Variants in NLRP9 observed in about 807,000 individuals in gnomAD.
The protein encoded by NLRP9 is NLR family pyrin domain containing 9.
NLRP9 carries 88 observed loss-of-function variants against 83.1 expected under a neutral mutation model. The ratio of observed to expected loss-of-function variants is 1.06; its 90% CI spans 0.89 to 1.26. The LOEUF (loss-of-function observed/expected upper bound fraction) is 1.26. Ranked by LOEUF, NLRP9 falls within the 50% of genes most tolerant of loss-of-function variation. The pLI, the probability that NLRP9 is intolerant of heterozygous loss-of-function variation, is 0.00. For missense variants in NLRP9, 1,308 were observed against 1,179.3 expected (o/e 1.11, Z -1.60); for synonymous variants, 521 against 447.6 (o/e 1.16, Z -2.07).
chr19:55,733,401 T>C lies in NLRP9; in HGVS notation c.430A>G (p.Arg144Gly), dbSNP rs370274005. Residue 144 changes from arginine to glycine, a missense_variant, in exon 2 of 9, where the codon AGA (arginine) becomes GGA (glycine). Transcript: ENST00000332836. ...CCTTCCAGGACCACAGTGTGTCGTCTAGCCGCAGCAGTATATGCGTCATTC... is the reference window on the plus strand; with the variant it reads ...CCTTCCAGGACCACAGTGTGTCGTCCAGCCGCAGCAGTATATGCGTCATTC... ...ELNDAYTAAA[R>G]RHTVVLEGPD... 176 of 1,614,186 alleles carry C rather than the reference T, an allele frequency of 1.1e-4. 1 individual carries two copies. The Middle Eastern group carries it at 7.4e-3, about 68-fold the overall frequency.
chr19:55,729,028 T>A (rs1341593740), intron 3 of NLRP9, among the ~76,000 whole-genome samples: 1 of 149,536 alleles, frequency 6.7e-6, no homozygotes, highest in Non-Finnish European at 1.5e-5. Context: ...GCTACCATTA[T>A]GCTTATCTTA....
intron 2 of NLRP9, among the ~76,000 whole-genome samples, chr19:55,730,696 G>A (rs1378245583): frequency 1.3e-5 from 2 of 152,132 alleles, no homozygotes; most frequent in Admixed American, 1.3e-4. Flanking sequence ...TTGTAAGTAG[G>A]AGCTGAATGA....
chr19:55,730,819 T>C (rs1028401620), intron 2 of NLRP9, among the ~76,000 whole-genome samples: 1 of 151,922 alleles, frequency 6.6e-6, no homozygotes, highest in Admixed American at 6.6e-5. Context: ...TCGGGCTTGA[T>C]ACCTGGGTGA....
Position 55,715,046 on chromosome 19 carries a change from C to T in NLRP9, c.2501+9G>A, listed in dbSNP as rs538520428. The T allele has an allele frequency of 2.4e-5, 38 of 1,596,062 alleles. No individual in the cohort carries two copies. Among genetic ancestry groups the T allele is most frequent in the Admixed American group, 2.3e-4 (13 of 56,930 alleles). On this transcript the variant is annotated intron_variant, in intron 6 of 8. Coordinates refer to ENST00000332836, the MANE Select transcript of NLRP9 (RefSeq NM_176820.4). ...CCCTGACATTGAAGCAAATCATGGC[C>T]GGTCCTACCACAGCTCCCGTATGCT...
At chr19:55,734,582 T>C in intron 1 of NLRP9, among the ~76,000 whole-genome samples, 1 of 145,708 alleles carries the variant, frequency 6.9e-6, no homozygotes, top group Middle Eastern at 3.6e-3. Flanking sequence ...CATATACATA[T>C]ATACACATAT....
Position 55,711,784 on chromosome 19 carries a change from AAC to A in NLRP9, c.2843+14_2843+15del, listed in dbSNP as rs1325193096. The stretch of plus-strand genomic sequence containing the variant: ...TTCTGAAGTCACTCACCCCAAAGGA[AAC>A]AGTGTCCACTCACCCCAGCATCTGC... On this transcript the variant is annotated intron_variant, in intron 8 of 8. Coordinates refer to ENST00000332836, the MANE Select transcript of NLRP9 (RefSeq NM_176820.4). 13 of 1,611,202 alleles carry A rather than the reference AAC, an allele frequency of 8.1e-6. No individual in the cohort carries two copies. The highest frequency in any genetic ancestry group is 1.1e-5 in the Non-Finnish European group (13 of 1,178,388).
chr19:55,717,556 T>G (rs1422347676), intron 4 of NLRP9, among the ~76,000 whole-genome samples: 5 of 152,202 alleles, frequency 3.3e-5, no homozygotes, highest in Admixed American at 6.6e-5. Flanking sequence ...GGACAGACCC[T>G]GCCACAAAGA....
At chr19:55,733,772 C>T (rs1306760944) in intron 1 of NLRP9, among the ~76,000 whole-genome samples, 2 of 152,158 alleles carry the variant, frequency 1.3e-5, no homozygotes, top group African/African-American at 4.8e-5. Context: ...GGCTTGAAGT[C>T]TGATAAGAAA....
At chr19:55,709,923 C>T (rs1339883686) in intron 8 of NLRP9, 1 of 152,194 alleles carries the variant, frequency 6.6e-6, no homozygotes, top group African/African-American at 2.4e-5. Flanking sequence ...ATTCTCTTCT[C>T]CCCTCTCCCG....
Position 55,732,914 on chromosome 19 carries a change from T to TA in NLRP9, c.916dup (p.Tyr306LeufsTer8). On this transcript the variant is annotated frameshift_variant, in exon 2 of 9. Coordinates refer to ENST00000332836, the MANE Select transcript of NLRP9 (RefSeq NM_176820.4). LOFTEE classifies it high-confidence loss of function. ...CTTCTCACCAAAGAAGTAGGAGAAA[T>TA]ACGACTTCTTTTCAGATTCACTGAA... 6.2e-7 allele frequency: 1 copy of TA among 1,613,944 alleles called. No homozygotes were observed.
chr19:55,727,004 A>G (rs1368266785), intron 3 of NLRP9, among the ~76,000 whole-genome samples: 5 of 152,202 alleles, frequency 3.3e-5, no homozygotes, highest in South Asian at 4.1e-4. Flanking sequence ...TAAAATATCA[A>G]TGAGTTGGGA....
chr19:55,711,578 G>A, intron 8 of NLRP9: 1 of 965,698 alleles, frequency 1.0e-6, no homozygotes, highest in Non-Finnish European at 1.6e-6. Context: ...CACAACTGAG[G>A]GAAGTGCTAC....
intron 4 of NLRP9, among the ~76,000 whole-genome samples, chr19:55,719,691 A>C (rs755126302): frequency 3.4e-4 from 52 of 152,336 alleles, no homozygotes; most frequent in Non-Finnish European, 6.5e-4. Context: ...CTCCTGTCAG[A>C]CCAAGAGGAA....
At chr19:55,735,734 C>G (rs1361518260) in intron 1 of NLRP9, among the ~76,000 whole-genome samples, 1 of 152,052 alleles carries the variant, frequency 6.6e-6, no homozygotes, top group Non-Finnish European at 1.5e-5. Context: ...GTGGCCCAGG[C>G]TAAAGTGCAG....
In NLRP9 at chr19:55,716,398, A is replaced by G. The variant is rs562533249; in HGVS notation, c.2330+330T>C. Among the ~76,000 whole-genome samples, 6 of 151,746 alleles carry G rather than the reference A, an allele frequency of 4.0e-5. No homozygotes were observed. The East Asian group carries it at 1.2e-3, about 29-fold the overall frequency. On this transcript the variant is annotated intron_variant, in intron 5 of 8. Coordinates refer to ENST00000332836, the MANE Select transcript of NLRP9 (RefSeq NM_176820.4). ...CTCAGCCTCCCGAGTAGCTGGGAGT[A>G]TGGGCATGCGCCACCACACCCAGCT...
chr19:55,722,099 T>TC (rs35666487), intron 4 of NLRP9, among the ~76,000 whole-genome samples: 54,962 of 151,732 alleles, frequency 0.36, 10,753 homozygotes, highest in African/African-American at 0.5. Context: ...GGGACAAAAT[T>TC]CCCCCATTGA....
At chr19:55,715,020 AC>A (rs1423918334) in intron 6 of NLRP9, 34 bp downstream of exon 6, 1 of 1,570,510 alleles carries the variant, frequency 6.4e-7, no homozygotes, top group Non-Finnish European at 8.6e-7. Context: ...AAAAAAAGAA[AC>A]CCTGACATTG....
chr19:55,711,665 A>G lies in NLRP9; in HGVS notation c.2843+135T>C, dbSNP rs934587695. On this transcript the variant is annotated intron_variant, in intron 8 of 8. Coordinates refer to ENST00000332836, the MANE Select transcript of NLRP9 (RefSeq NM_176820.4). ...ATGGTTTTTATATTTTATAGTGTCA[A>G]CAGGGGCCCAAGGACAGGCCCCCAC... 3.3e-6 allele frequency: 3 copies of G among 916,498 alleles called. No homozygotes were observed. In the African/African-American group the frequency reaches 5.0e-5, roughly 15 times the overall value. 56.8% of individuals were successfully genotyped at this position (916,498 alleles called of 1,614,324 possible).
chr19:55,732,167 T>G lies in NLRP9; in HGVS notation c.1664A>C (p.Lys555Thr), dbSNP rs773180093. 2 of 1,613,062 alleles carry G rather than the reference T, an allele frequency of 1.2e-6. No homozygotes were observed. The highest frequency in any genetic ancestry group is 3.3e-5 in the Admixed American group (2 of 59,736). ...LFIGLFETQE[K>T]EFVTKVMNFF... ...ATTCATCACTTTGGTTACAAATTCT[T>G]TTTCCTGAGTTTCAAACAAACCAAT... Residue 555 changes from lysine (K) to threonine (T), a missense_variant, in exon 2 of 9, where the codon AAA becomes ACA. Coordinates refer to ENST00000332836, the MANE Select transcript of NLRP9 (RefSeq NM_176820.4).
Sources: gnomAD v4.1 joint callset for allele counts (sites outside exome capture counted in the v4.1 genomes callset) on GRCh38, gnomAD v4.1.1 for gene constraint, MANE v1.5 for transcripts, NCBI Gene and HGNC (gene_info 2026-07-23, HGNC 2026-07-21) for gene names.